PTPRK: variants seen among roughly 807,000 people sequenced by gnomAD.
PTPRK encodes the protein protein tyrosine phosphatase receptor type K, also known as receptor-type tyrosine-protein phosphatase kappa.
A neutral mutation model predicts 178.0 loss-of-function variants in PTPRK; 75 were observed. The ratio of observed to expected loss-of-function variants is 0.42; its 90% CI spans 0.35 to 0.51. The LOEUF (loss-of-function observed/expected upper bound fraction) is 0.51. Ranked by LOEUF, PTPRK falls within the 20% of genes least tolerant of loss-of-function variation. PTPRK has a pLI of 0.02. For missense variants in PTPRK, 1,441 were observed against 1,797.8 expected (o/e 0.80, Z 3.59); for synonymous variants, 637 against 620.6 (o/e 1.03, Z -0.39).
chr6:128,016,199 T>A (rs1464050331), intron 13 of PTPRK, among the ~76,000 whole-genome samples: 2 of 151,774 alleles, frequency 1.3e-5, no homozygotes, highest in African/African-American at 4.8e-5. Context: ...TTAATATAAG[T>A]TTTACAAGTC....
At chr6:128,171,719 A>G (rs964873400) in intron 7 of PTPRK, among the ~76,000 whole-genome samples, 2 of 152,120 alleles carry the variant, frequency 1.3e-5, no homozygotes, top group African/African-American at 4.8e-5. Flanking sequence ...TGTATATTAA[A>G]GGGCTGTAAG....
At chr6:128,069,427 G>A (rs1403875388) in intron 11 of PTPRK, among the ~76,000 whole-genome samples, 1 of 152,110 alleles carries the variant, frequency 6.6e-6, no homozygotes, top group Admixed American at 6.6e-5. Flanking sequence ...CATGGAGCAG[G>A]CATTTGTCAA....
At chr6:128,085,966 T>C (rs1427511668) in intron 8 of PTPRK, among the ~76,000 whole-genome samples, 2 of 152,218 alleles carry the variant, frequency 1.3e-5, no homozygotes, top group African/African-American at 4.8e-5. Context: ...AGATCATGTG[T>C]ACAATTATAG....
At chr6:128,221,264 C>A (rs923213893) in intron 5 of PTPRK, among the ~76,000 whole-genome samples, 1 of 152,102 alleles carries the variant, frequency 6.6e-6, no homozygotes, top group Non-Finnish European at 1.5e-5. Flanking sequence ...GTGGCTCACG[C>A]CTGTAATCCC....
chr6:128,442,292 C>T (rs1453001632), intron 1 of PTPRK, among the ~76,000 whole-genome samples: 2 of 152,154 alleles, frequency 1.3e-5, no homozygotes, highest in African/African-American at 2.4e-5. Context: ...TCATTGCCTA[C>T]CTCCTTTTGC....
intron 2 of PTPRK, among the ~76,000 whole-genome samples, chr6:128,356,547 G>A (rs1833990518): frequency 6.6e-6 from 1 of 152,056 alleles, no homozygotes; most frequent in African/African-American, 2.4e-5. Flanking sequence ...TGCCCTTCAC[G>A]AAACAACTAT....
intron 1 of PTPRK, among the ~76,000 whole-genome samples, chr6:128,498,864 C>A (rs189747031): frequency 1.3e-5 from 2 of 152,260 alleles, no homozygotes; most frequent in Non-Finnish European, 2.9e-5. Flanking sequence ...TCTCTACTCA[C>A]AAGTTTTACA....
intron 1 of PTPRK, 119 bp from the exon 2 acceptor site, chr6:128,397,807 T>C (rs1023705501): frequency 1.4e-5 from 13 of 926,478 alleles, no homozygotes; most frequent in Non-Finnish European, 2.1e-5. Context: ...TAATAATAAA[T>C]GGTACTCCTG....
At chr6:128,500,719 T>C (rs1855433996) in intron 1 of PTPRK, 1 of 152,194 alleles carries the variant, frequency 6.6e-6, no homozygotes. Flanking sequence ...CTTCTCCCAC[T>C]TGGTTTCCTC....
At chr6:128,421,791 G>T (rs569299839) in intron 1 of PTPRK, among the ~76,000 whole-genome samples, 1 of 152,182 alleles carries the variant, frequency 6.6e-6, no homozygotes, top group African/African-American at 2.4e-5. Flanking sequence ...TTCAAGCTCC[G>T]CAATCAATCT....
chr6:127,997,920 A>G (rs1175667050), intron 16 of PTPRK, among the ~76,000 whole-genome samples: 1 of 152,112 alleles, frequency 6.6e-6, no homozygotes, highest in Non-Finnish European at 1.5e-5. Flanking sequence ...AAAGCAAAAT[A>G]TTACTTGGAT....
intron 3 of PTPRK, among the ~76,000 whole-genome samples, chr6:128,266,226 AG>A (rs1818925399): frequency 6.6e-6 from 1 of 152,176 alleles, no homozygotes; most frequent in Non-Finnish European, 1.5e-5. Context: ...AGCTACTAGA[AG>A]AGCAAAAGGT....
Position 128,520,344 on chromosome 6 carries a change from C to G in PTPRK, c.15G>C (p.Ala5=), listed in dbSNP as rs1418150038. ...CCACAAAAGCAGGCAGCGCCGCCGC[C>G]GCAGTCGTATCCATGCCGAGTTTGG... MDTT[A]AAALPAFVAL... The change falls in exon 1 of 30, where the codon GCG becomes GCC. Residue 5 remains alanine, a synonymous_variant. Coordinates refer to ENST00000368226, the MANE Select transcript of PTPRK (RefSeq NM_002844.4). The G allele has an allele frequency of 6.2e-7, 1 of 1,608,694 alleles. No individual in the cohort carries two copies. The highest frequency in any genetic ancestry group is 8.5e-7 in the Non-Finnish European group (1 of 1,177,392).
chr6:128,280,472 G>C (rs1408013811), intron 3 of PTPRK, among the ~76,000 whole-genome samples: 1 of 152,096 alleles, frequency 6.6e-6, no homozygotes, highest in Non-Finnish European at 1.5e-5. Context: ...TAATAACACA[G>C]AAGCTTCAAA....
At chr6:128,334,292 CA>C (rs1830633018) in intron 2 of PTPRK, among the ~76,000 whole-genome samples, 1 of 152,136 alleles carries the variant, frequency 6.6e-6, no homozygotes, top group African/African-American at 2.4e-5. Flanking sequence ...ACAATATCTG[CA>C]AAGTACAATG....
At chr6:128,332,955 T>C (rs991298147) in intron 2 of PTPRK, among the ~76,000 whole-genome samples, 1 of 152,318 alleles carries the variant, frequency 6.6e-6, no homozygotes, top group East Asian at 1.9e-4. Flanking sequence ...ATTTCTGAAA[T>C]CATGGCACTC....
At chr6:128,207,657 A>C (rs1191331548) in intron 6 of PTPRK, among the ~76,000 whole-genome samples, 2 of 152,210 alleles carry the variant, frequency 1.3e-5, no homozygotes, top group Non-Finnish European at 2.9e-5. Flanking sequence ...GAATTTCAAA[A>C]ACGTTTCACA....
Position 128,219,028 on chromosome 6 carries a change from G to A in PTPRK, c.762C>T (p.Ser254=). ...TTTTTGTCACTTCTTGCAATCTGAAGGAAGCGGCAAACCTTCTATGATTGA... is the reference window on the plus strand; with the variant it reads ...TTTTTGTCACTTCTTGCAATCTGAAAGAAGCGGCAAACCTTCTATGATTGA... ...KNINHRRFAA[S]FRLQEVTKTD... Residue 254 remains serine (S), a synonymous_variant, in exon 6 of 30, where the codon TCC becomes TCT. Coordinates refer to ENST00000368226, the MANE Select transcript of PTPRK (RefSeq NM_002844.4). The A allele has an allele frequency of 1.2e-6, 2 of 1,613,888 alleles. No individual in the cohort carries two copies. The highest frequency in any genetic ancestry group is 1.7e-6 in the Non-Finnish European group (2 of 1,179,798).
At chr6:128,201,421 TGA>T (rs1482931099) in intron 6 of PTPRK, among the ~76,000 whole-genome samples, 8 of 152,230 alleles carry the variant, frequency 5.3e-5, no homozygotes, top group African/African-American at 1.9e-4. Flanking sequence ...TGAGTGTGCA[TGA>T]GTGTGTGCGT....
Sources: gnomAD v4.1 joint callset for allele counts (sites outside exome capture counted in the v4.1 genomes callset) on GRCh38, gnomAD v4.1.1 for gene constraint, MANE v1.5 for transcripts, NCBI Gene and HGNC (gene_info 2026-07-23, HGNC 2026-07-21) for gene names.